Variants in NDUFAF4 observed in about 807,000 individuals in gnomAD.
The protein encoded by NDUFAF4 is NADH dehydrogenase [ubiquinone] 1 alpha subcomplex assembly factor 4.
In NDUFAF4, 10 loss-of-function variants were observed where a neutral mutation model predicts 15.6. That is an observed-to-expected ratio of 0.64 (90% CI 0.40 to 1.09). The LOEUF is 1.09. NDUFAF4 is among the 50% of genes least tolerant of loss of function. The pLI is 0.01. For synonymous variants in NDUFAF4, 77 were observed against 73.3 expected (o/e 1.05, Z -0.26); for missense variants, 203 against 207.3 (o/e 0.98, Z 0.13).
chr6:96,896,140 C>T (rs775109826), intron 2 of NDUFAF4: 26 of 154,194 alleles, frequency 1.7e-4, no homozygotes, highest in Non-Finnish European at 2.7e-4. Flanking sequence ...GTGTCCTTCA[C>T]AACATCATAG....
rs775839144 is a variant in NDUFAF4 at position 96,896,789 on chromosome 6, T to C, written c.195A>G (p.Leu65=). ...ARKDEKLLSF[L]KDVYVDSKDP... ...CTTTGGAATCAACATACACATCTTT[T>C]AGAAACGACAGCAGCTTTTCATCTT... Residue 65 remains leucine (L), a synonymous_variant, in exon 2 of 3, where the codon CTA becomes CTG. Transcript: ENST00000316149. The C allele has an allele frequency of 6.2e-6, 10 of 1,613,682 alleles. No individual in the cohort carries two copies. The highest frequency in any genetic ancestry group is 1.7e-6 in the Non-Finnish European group (2 of 1,179,966).
At chr6:96,895,096 A>G (rs935043408) in intron 2 of NDUFAF4, among the ~76,000 whole-genome samples, 1 of 152,232 alleles carries the variant, frequency 6.6e-6, no homozygotes, top group African/African-American at 2.4e-5. Context: ...GGGCTCTTCA[A>G]CAAATTATAT....
chr6:96,894,640 A>G (rs1421246658), intron 2 of NDUFAF4, among the ~76,000 whole-genome samples: 2 of 152,084 alleles, frequency 1.3e-5, no homozygotes, highest in Non-Finnish European at 2.9e-5. Context: ...TCAGGCATCT[A>G]CTGAGGGTCT....
intron 1 of NDUFAF4, 195 bp from the exon 2 acceptor site, chr6:96,897,042 T>C: frequency 1.9e-6 from 1 of 525,078 alleles, no homozygotes; most frequent in Non-Finnish European, 3.4e-6. Context: ...TTCTCCCACC[T>C]CAGCCTCCCG....
Position 96,891,236 on chromosome 6 carries a change from G to A in NDUFAF4, c.396C>T (p.Thr132=). ...CCTGCATTATTTTCTCAGCAGTCCA[G>A]GTTTCTGGGAAAAGCTTATGATTAT... ...LLNNHKLFPE[T]WTAEKIMQEY... The change falls in exon 3 of 3, where the codon ACC becomes ACT. Residue 132 remains threonine, a synonymous_variant. Coordinates refer to ENST00000316149, the MANE Select transcript of NDUFAF4 (RefSeq NM_014165.4). The A allele has an allele frequency of 6.2e-7, 1 of 1,613,678 alleles. No homozygotes were observed. The highest frequency in any genetic ancestry group is 8.5e-7 in the Non-Finnish European group (1 of 1,179,792).
chr6:96,891,002 G>T lies in NDUFAF4; in HGVS notation c.*102C>A. The T allele has an allele frequency of 1.9e-6, 2 of 1,069,000 alleles. No homozygotes were observed. Among genetic ancestry groups the T allele is most frequent in the Non-Finnish European group, 2.8e-6 (2 of 718,698 alleles). The allele number at this position is 1,069,000 out of a possible 1,614,324, so 66.2% of individuals were successfully genotyped here. ...TTAAGAGTATGCCCTCACAATGAGA[G>T]CATTAAATATTTGGTAATTAACATA... On this transcript the variant is annotated 3_prime_UTR_variant, in exon 3 of 3. Coordinates refer to ENST00000316149, the MANE Select transcript of NDUFAF4 (RefSeq NM_014165.4).
At chr6:96,896,582 C>T (rs1281291169) in intron 2 of NDUFAF4, among the ~76,000 whole-genome samples, 162 bp downstream of exon 2, 1 of 152,210 alleles carries the variant, frequency 6.6e-6, no homozygotes, top group African/African-American at 2.4e-5. Context: ...GCATAAGTGT[C>T]TTGCTGTCTT....
chr6:96,891,446 T>C, intron 2 of NDUFAF4, 55 bp from the exon 3 acceptor site: 1 of 1,482,920 alleles, frequency 6.7e-7, no homozygotes, highest in African/African-American at 1.4e-5. Context: ...ACATCTACTT[T>C]CATACTTCTC....
At position 96,891,002 on chromosome 6, in the gene NDUFAF4, G is replaced by A. The variant is rs1775307661; in HGVS notation, c.*102C>T. 7.5e-6 allele frequency: 8 copies of A among 1,069,000 alleles called. No individual in the cohort carries two copies. The highest frequency in any genetic ancestry group is 9.7e-6 in the Non-Finnish European group (7 of 718,698). 66.2% of individuals were successfully genotyped at this position (1,069,000 alleles called of 1,614,324 possible). A position where few individuals can be genotyped will look rare whatever the true frequency, so the allele number is the denominator to read the frequency against. ...TTAAGAGTATGCCCTCACAATGAGAGCATTAAATATTTGGTAATTAACATA... is the reference window on the plus strand; with the variant it reads ...TTAAGAGTATGCCCTCACAATGAGAACATTAAATATTTGGTAATTAACATA... On this transcript the variant is annotated 3_prime_UTR_variant, in exon 3 of 3. Coordinates refer to ENST00000316149, the MANE Select transcript of NDUFAF4 (RefSeq NM_014165.4).
chr6:96,897,033 T>G lies in NDUFAF4; in HGVS notation c.137-186A>C. On this transcript the variant is annotated intron_variant, in intron 1 of 2. Coordinates refer to ENST00000316149, the MANE Select transcript of NDUFAF4 (RefSeq NM_014165.4). ...CCTCCGCCTCCCGGGTTCGAGAGAT[T>G]CTCCCACCTCAGCCTCCCGACAAGC... 9.2e-6 allele frequency: 5 copies of G among 540,756 alleles called. No homozygotes were observed. In the South Asian group the frequency reaches 9.8e-5, roughly 11 times the overall value. 33.5% of individuals were successfully genotyped at this position (540,756 alleles called of 1,614,324 possible). A position where few individuals can be genotyped will look rare whatever the true frequency, so the allele number is the denominator to read the frequency against.
chr6:96,897,809 T>G lies in NDUFAF4; in HGVS notation c.-8A>C. On this transcript the variant is annotated 5_prime_UTR_variant, in exon 1 of 3. The change abolishes an upstream ATG in the 5' untranslated region. Coordinates refer to ENST00000316149, the MANE Select transcript of NDUFAF4 (RefSeq NM_014165.4). ...AATCACTAGTGCTCCCATCTCCTCA[T>G]AACATTATGCGCTCAGGTTCAGGCC... 1 of 1,614,060 alleles carries G rather than the reference T, an allele frequency of 6.2e-7. No homozygotes were observed. Among genetic ancestry groups the G allele is most frequent in the Non-Finnish European group, 8.5e-7 (1 of 1,179,944 alleles).
In NDUFAF4 at chr6:96,891,015, G is replaced by C. The variant is rs935880838; in HGVS notation, c.*89C>G. The C allele has an allele frequency of 5.9e-6, 7 of 1,195,772 alleles. No homozygotes were observed. Among genetic ancestry groups the C allele is most frequent in the Non-Finnish European group, 8.5e-6 (7 of 826,146 alleles). 74.1% of individuals were successfully genotyped at this position (1,195,772 alleles called of 1,614,324 possible). A position where few individuals can be genotyped will look rare whatever the true frequency, so the allele number is the denominator to read the frequency against. On this transcript the variant is annotated 3_prime_UTR_variant, in exon 3 of 3. Transcript: ENST00000316149. ...CTCACAATGAGAGCATTAAATATTTGGTAATTAACATAATTTATTACGCAA... is the reference window on the plus strand; with the variant it reads ...CTCACAATGAGAGCATTAAATATTTCGTAATTAACATAATTTATTACGCAA...
chr6:96,892,877 A>G (rs1775332081), intron 2 of NDUFAF4, among the ~76,000 whole-genome samples: 1 of 152,118 alleles, frequency 6.6e-6, no homozygotes, highest in South Asian at 2.1e-4. Context: ...ATTACTGCCT[A>G]CAAGTTAATT....
chr6:96,895,359 C>T (rs1185373928), intron 2 of NDUFAF4, among the ~76,000 whole-genome samples: 1 of 151,984 alleles, frequency 6.6e-6, no homozygotes, highest in African/African-American at 2.4e-5. Flanking sequence ...AATTATTTGC[C>T]ATATGAAAGG....
chr6:96,893,879 C>T (rs1471336620), intron 2 of NDUFAF4, among the ~76,000 whole-genome samples: 1 of 152,086 alleles, frequency 6.6e-6, no homozygotes, highest in East Asian at 1.9e-4. Flanking sequence ...ATGAGAATGC[C>T]TACTTTCACT....
Position 96,890,963 on chromosome 6 carries a change from G to A in NDUFAF4, c.*141C>T, listed in dbSNP as rs538877106. 44 of 756,100 alleles carry A rather than the reference G, an allele frequency of 5.8e-5. No homozygotes were observed. In the South Asian group the frequency reaches 7.6e-4, roughly 13 times the overall value. 46.8% of individuals were successfully genotyped at this position (756,100 alleles called of 1,614,324 possible). ...TCTATGGCAATCTTGAAAAGTCAGG[G>A]AGCTCAATAAATATTAAGAGTATGC... On this transcript the variant is annotated 3_prime_UTR_variant, in exon 3 of 3. Coordinates refer to ENST00000316149, the MANE Select transcript of NDUFAF4 (RefSeq NM_014165.4).
intron 2 of NDUFAF4, among the ~76,000 whole-genome samples, chr6:96,896,422 C>T (rs1433178657): frequency 6.6e-6 from 1 of 152,206 alleles, no homozygotes; most frequent in African/African-American, 2.4e-5. Context: ...TATTAAAGCT[C>T]TGCTTTTGTC....
chr6:96,894,656 C>T (rs955238050), intron 2 of NDUFAF4, among the ~76,000 whole-genome samples: 2 of 150,400 alleles, frequency 1.3e-5, no homozygotes, highest in Admixed American at 1.3e-4. Context: ...GGTCTTGGAA[C>T]CTATCTGCTG....
rs1379010656 is a variant in NDUFAF4, at chr6:96,889,912, AC to A, written c.*1191del. On this transcript the variant is annotated 3_prime_UTR_variant, in exon 3 of 3. Coordinates refer to ENST00000316149, the MANE Select transcript of NDUFAF4 (RefSeq NM_014165.4). ...CTTCGGTCATATATTCTCCCCAGGCACTTGTTTCTCCACCGCAAAAAATAAT... is the reference window on the plus strand; with the variant it reads ...CTTCGGTCATATATTCTCCCCAGGCATTGTTTCTCCACCGCAAAAAATAAT... The A allele has an allele frequency of 6.6e-6, 1 of 152,096 alleles. No homozygotes were observed. The highest frequency in any genetic ancestry group is 2.4e-5 in the African/African-American group (1 of 41,428). 9.4% of individuals were successfully genotyped at this position (152,096 alleles called of 1,614,324 possible).
Sources: gnomAD v4.1 joint callset for allele counts (sites outside exome capture counted in the v4.1 genomes callset) on GRCh38, gnomAD v4.1.1 for gene constraint, MANE v1.5 for transcripts, NCBI Gene and HGNC (gene_info 2026-07-23, HGNC 2026-07-21) for gene names.